AFAP1L2: variants seen among roughly 807,000 people sequenced by gnomAD.
The protein encoded by AFAP1L2 is actin filament associated protein 1 like 2, also known as actin filament-associated protein 1-like 2.
Under a neutral mutation model 99.3 loss-of-function variants are expected in AFAP1L2, and 46 were observed. That is an observed-to-expected ratio of 0.46 (90% CI 0.37 to 0.59). The LOEUF (loss-of-function observed/expected upper bound fraction) is 0.59, where lower values mean the gene tolerates loss of function less well. AFAP1L2 is among the 20% of genes least tolerant of loss of function. The pLI is 0.00. For synonymous variants in AFAP1L2, 397 were observed against 419.1 expected, an observed-to-expected ratio of 0.95 and a Z score of 0.64; for missense variants, 959 against 1,034.9, an observed-to-expected ratio of 0.93 and a Z score of 1.01.
intron 1 of AFAP1L2, among the ~76,000 whole-genome samples, chr10:114,367,370 T>G (rs2053431426): frequency 6.6e-6 from 1 of 152,146 alleles, no homozygotes; most frequent in South Asian, 2.1e-4. Context: ...AATTTGGTGG[T>G]GTATTCCATC....
intron 12 of AFAP1L2, 147 bp from the exon 13 acceptor site, chr10:114,301,612 C>G: frequency 1.6e-6 from 1 of 616,642 alleles, no homozygotes; most frequent in Non-Finnish European, 2.9e-6. Context: ...CTCCATGGAT[C>G]TGAGGGCACC....
At chr10:114,296,730 G>A in intron 18 of AFAP1L2, 2 of 483,534 alleles carry the variant, frequency 4.1e-6, no homozygotes, top group Non-Finnish European at 7.4e-6. Context: ...TGTGTGGAGG[G>A]CAAGAACTGA....
intron 1 of AFAP1L2, among the ~76,000 whole-genome samples, chr10:114,357,539 A>G (rs2051578443): frequency 6.6e-6 from 1 of 152,168 alleles, no homozygotes; most frequent in South Asian, 2.1e-4. Flanking sequence ...CCAATATTCC[A>G]TGTTGGATAT....
At chr10:114,296,251 CTG>C (rs2040209430) in intron 18 of AFAP1L2, 183 bp from the exon 19 acceptor site, 1 of 767,382 alleles carries the variant, frequency 1.3e-6, no homozygotes, top group Non-Finnish European at 2.2e-6. Flanking sequence ...GATTTTGAGA[CTG>C]TGGCACAACA....
chr10:114,327,147 T>TTATATTTATATATATATATATATA lies in AFAP1L2; in HGVS notation c.316-3887_316-3886insTATATATATATATATATAAATATA, dbSNP rs1554902751. On this transcript the variant is annotated intron_variant, in intron 4 of 18. Coordinates refer to ENST00000304129, the MANE Select transcript of AFAP1L2 (RefSeq NM_001001936.3). ...TGAAGACCGTGAATTTTATATATAT[T>TTATATTTATATATATATATATATA]TATATATATATATATATATATATAT... Among the ~76,000 whole-genome samples the TTATATTTATATATATATATATATA allele has an allele frequency of 3.9e-4, 21 of 54,534 alleles. 2 individuals carry two copies. The highest frequency in any genetic ancestry group is 2.3e-3 in the East Asian group (1 of 432). The allele number at this position is 54,534 out of a possible 152,430, so 35.8% of individuals were successfully genotyped here. A position where few individuals can be genotyped will look rare whatever the true frequency, so the allele number is the denominator to read the frequency against.
chr10:114,291,902 T>C (rs1043840442), downstream of AFAP1L2, among the ~76,000 whole-genome samples: 5 of 151,994 alleles, frequency 3.3e-5, no homozygotes, highest in Non-Finnish European at 7.4e-5. Flanking sequence ...AGGGGCTGAG[T>C]GTGCAATGGG....
chr10:114,318,877 G>A (rs1457398860), intron 5 of AFAP1L2, among the ~76,000 whole-genome samples: 2 of 152,110 alleles, frequency 1.3e-5, no homozygotes, highest in African/African-American at 4.8e-5. Flanking sequence ...TTCTTGGCCA[G>A]GCATGGTGGC....
At chr10:114,288,493 A>G in the AFAP1L2 span, among the ~76,000 whole-genome samples, 1 of 152,270 alleles carries the variant, frequency 6.6e-6, no homozygotes, top group African/African-American at 2.4e-5. Context: ...CATGGGTTAC[A>G]TAAGACAGGA....
At chr10:114,385,812 C>G (rs963127108) in intron 1 of AFAP1L2, among the ~76,000 whole-genome samples, 1 of 152,180 alleles carries the variant, frequency 6.6e-6, no homozygotes, top group Admixed American at 6.5e-5. Flanking sequence ...ATGCCAAGAA[C>G]GTCAGTGAAA....
At position 114,297,207 on chromosome 10, in the gene AFAP1L2, T is replaced by A. The variant is rs1411816177; in HGVS notation, c.2307+13A>T. ...CCTGCAAGCAGCCCAGAGGCCGCAG[T>A]TCCAGCACTCACGCGGGGGCTCACA... On this transcript the variant is annotated intron_variant, in intron 17 of 18. Transcript: ENST00000304129. 19 of 1,564,816 alleles carry A rather than the reference T, an allele frequency of 1.2e-5. No homozygotes were observed. The highest frequency in any genetic ancestry group is 2.8e-5 in the African/African-American group (2 of 72,550).
At chr10:114,282,985 T>C in the AFAP1L2 span, among the ~76,000 whole-genome samples, 2 of 152,178 alleles carry the variant, frequency 1.3e-5, no homozygotes, top group Non-Finnish European at 2.9e-5. Flanking sequence ...GTATATGAGG[T>C]CCTAGTGAAG....
intron 1 of AFAP1L2, chr10:114,398,869 T>A (rs1176964178): frequency 1.5e-6 from 2 of 1,304,330 alleles, no homozygotes; most frequent in South Asian, 2.5e-5. Context: ...ACCTGCCGGA[T>A]CCTTCTCTGT....
intron 6 of AFAP1L2, among the ~76,000 whole-genome samples, chr10:114,314,659 G>A (rs900165548): frequency 6.6e-6 from 1 of 152,146 alleles, no homozygotes; most frequent in African/African-American, 2.4e-5. Flanking sequence ...GGCAAGAAAA[G>A]GTGTTTATAA....
chr10:114,281,707 G>A, the AFAP1L2 span: 142 of 984,618 alleles, frequency 1.4e-4, no homozygotes, highest in East Asian at 5.7e-4. Flanking sequence ...GTGGAGGGGC[G>A]GGGCTGGGGC....
downstream of AFAP1L2, among the ~76,000 whole-genome samples, chr10:114,293,481 G>GAAAC (rs1415581481): frequency 6.6e-6 from 1 of 152,150 alleles, no homozygotes. Flanking sequence ...TCTCGCCTTT[G>GAAAC]AAACATTTTT....
At chr10:114,404,973 G>C (rs1008550673), upstream of AFAP1L2, among the ~76,000 whole-genome samples, 2 of 152,222 alleles carry the variant, frequency 1.3e-5, no homozygotes, top group African/African-American at 4.8e-5. Flanking sequence ...TCCCGAGCCA[G>C]CGCGCTTTTG....
At chr10:114,330,536 A>G (rs1457232600) in intron 4 of AFAP1L2, among the ~76,000 whole-genome samples, 2 of 152,230 alleles carry the variant, frequency 1.3e-5, no homozygotes, top group Non-Finnish European at 2.9e-5. Context: ...CTAGCACAGT[A>G]TGCCACACAC....
the AFAP1L2 span, chr10:114,286,218 T>C: frequency 6.2e-7 from 1 of 1,613,752 alleles, no homozygotes; most frequent in Non-Finnish European, 8.5e-7. Flanking sequence ...GGCAGTGCCT[T>C]GCGGCAGGCG....
downstream of AFAP1L2, chr10:114,290,373 G>A (rs1230418173): frequency 7.7e-6 from 12 of 1,550,310 alleles, no homozygotes; most frequent in Admixed American, 2.2e-4. Flanking sequence ...ACCGTGAGTG[G>A]AGCTCTTGCT....
Sources: allele counts gnomAD v4.1 joint callset (sites outside exome capture counted in the v4.1 genomes callset), GRCh38; gene constraint gnomAD v4.1.1; transcripts MANE v1.5; gene names NCBI Gene and HGNC (gene_info 2026-07-23, HGNC 2026-07-21).